CDON: variants seen among roughly 807,000 people sequenced by gnomAD.
CDON encodes cell adhesion molecule-related/down-regulated by oncogenes.
Under a neutral mutation model 120.9 loss-of-function variants are expected in CDON, and 73 were observed. The ratio of observed to expected loss-of-function variants is 0.60; its 90% confidence interval spans 0.50 to 0.73. The LOEUF is 0.73. CDON is among the 30% of genes least tolerant of loss of function. CDON has a pLI of 0.00. For missense variants in CDON, 1,470 were observed against 1,587.3 expected, an observed-to-expected ratio of 0.93 and a Z score of 1.26; for synonymous variants, 566 against 573.5, an observed-to-expected ratio of 0.99 and a Z score of 0.19.
Position 125,986,573 on chromosome 11 carries a change from G to A in CDON, c.2774-2480C>T, listed in dbSNP as rs186610585. Among the ~76,000 whole-genome samples the A allele has an allele frequency of 3.3e-5, 5 of 152,242 alleles. No individual in the cohort carries two copies. In the East Asian group the frequency reaches 9.7e-4, roughly 29 times the overall value. On this transcript the variant is annotated intron_variant, in intron 15 of 19. Coordinates refer to ENST00000531738, the MANE Select transcript of CDON (RefSeq NM_001378964.1). ...GAGGTCAGGAGATCGAGACCATCCT[G>A]GCTAACACGGTGAAACCCCATCTCT...
At chr11:126,003,165 C>G (rs1947005309) in intron 10 of CDON, among the ~76,000 whole-genome samples, 1 of 152,174 alleles carries the variant, frequency 6.6e-6, no homozygotes, top group South Asian at 2.1e-4. Context: ...GTAAGTCTCT[C>G]TCAACTAGAA....
intron 7 of CDON, chr11:126,011,007 C>A: frequency 2.3e-6 from 1 of 437,706 alleles, no homozygotes; most frequent in South Asian, 1.8e-5. Flanking sequence ...AAATATAGAA[C>A]ATATAAGGTT....
chr11:126,007,549 G>A (rs1349290999), intron 8 of CDON, among the ~76,000 whole-genome samples: 3 of 152,122 alleles, frequency 2.0e-5, no homozygotes, highest in Non-Finnish European at 4.4e-5. Flanking sequence ...TAGTGGAGAA[G>A]GACCTTTTTA....
rs200695470 is a variant in CDON, at chr11:126,001,763, T to C, written c.2114A>G (p.Asn705Ser). The stretch of plus-strand genomic sequence containing the variant: ...ATCTGTAAGTACCACTCCAAAATTG[T>C]TGTTTGCAGCCTCTGAAACAACGGG... The part of the protein sequence containing the change: ...KYPVVSEAAN[N>S]NFGVVLTDSS... Residue 705 changes from asparagine to serine, a missense_variant, in exon 11 of 20, where the codon AAC becomes AGC. Transcript: ENST00000531738. The C allele has an allele frequency of 1.9e-6, 3 of 1,613,760 alleles. No homozygotes were observed. The highest frequency in any genetic ancestry group is 2.2e-5 in the East Asian group (1 of 44,858).
At chr11:126,059,754 A>G (rs1373622760) in intron 1 of CDON, among the ~76,000 whole-genome samples, 3 of 152,168 alleles carry the variant, frequency 2.0e-5, no homozygotes, top group African/African-American at 7.2e-5. Flanking sequence ...GGCACCAGGC[A>G]GCTAGAATCA....
chr11:125,983,786 A>C (rs1946380972), intron 16 of CDON, 86 bp downstream of exon 16: 2 of 956,132 alleles, frequency 2.1e-6, no homozygotes, highest in Admixed American at 2.0e-5. Context: ...CTAATATACA[A>C]CAGTGTTAGA....
intron 8 of CDON, 119 bp downstream of exon 8, chr11:126,010,219 TGTC>T: frequency 2.7e-6 from 2 of 743,830 alleles, no homozygotes; most frequent in South Asian, 3.4e-5. Context: ...TACATTTCAC[TGTC>T]ATCAGGAAAA....
chr11:125,958,938 C>A lies in CDON; in HGVS notation c.*2004G>T, dbSNP rs141723372. ...ACAGGGTATGTTTTCATATTCTGTG[C>A]GCTGGGACTTTGTCCTTTGCTAGTC... On this transcript the variant is annotated 3_prime_UTR_variant, in exon 20 of 20. Coordinates refer to ENST00000531738, the MANE Select transcript of CDON (RefSeq NM_001378964.1). 6.6e-6 allele frequency: 1 copy of A among 152,274 alleles called. No homozygotes were observed. The highest frequency in any genetic ancestry group is 2.4e-5 in the African/African-American group (1 of 41,546). 9.4% of individuals were successfully genotyped at this position (152,274 alleles called of 1,614,324 possible).
chr11:125,971,403 T>TAAATA (rs1555114703), intron 18 of CDON, among the ~76,000 whole-genome samples: 1 of 142,614 alleles, frequency 7.0e-6, no homozygotes, highest in African/African-American at 2.9e-5. Context: ...AATAAATAAA[T>TAAATA]AAATAAATAA....
At chr11:126,045,034 T>C (rs78338104) in intron 1 of CDON, among the ~76,000 whole-genome samples, 19,558 of 151,842 alleles carry the variant, frequency 0.13, 1,468 homozygotes, top group Middle Eastern at 0.24. Flanking sequence ...AAAATATATA[T>C]ATAGAGAGAG....
intron 14 of CDON, among the ~76,000 whole-genome samples, chr11:125,993,397 A>ACGCGCG (rs1946687070): frequency 6.7e-4 from 1 of 1,484 alleles, no homozygotes; most frequent in Non-Finnish European, 1.2e-3. Context: ...GCGTGCGTGC[A>ACGCGCG]CACACACACA....
chr11:126,053,174 T>A (rs531325534), intron 1 of CDON, among the ~76,000 whole-genome samples: 1 of 152,166 alleles, frequency 6.6e-6, no homozygotes, highest in Non-Finnish European at 1.5e-5. Flanking sequence ...CATCCAAGAT[T>A]TAATGGAAGA....
chr11:126,043,604 G>T (rs1948325131), intron 1 of CDON, among the ~76,000 whole-genome samples: 1 of 152,120 alleles, frequency 6.6e-6, no homozygotes, highest in Admixed American at 6.5e-5. Flanking sequence ...AGAAAACAAA[G>T]AACACTCAGA....
Position 125,994,980 on chromosome 11 carries a change from G to T in CDON, c.2435C>A (p.Pro812His). The T allele has an allele frequency of 6.2e-7, 1 of 1,614,114 alleles. No individual in the cohort carries two copies. The highest frequency in any genetic ancestry group is 1.1e-5 in the South Asian group (1 of 91,074). The change falls in exon 13 of 20, where the codon CCT (proline) becomes CAT (histidine). Residue 812 changes from proline to histidine, a missense_variant. Pro to His is a moderately conservative substitution (Grantham distance 77, BLOSUM62 -2). Transcript: ENST00000531738. ...ATTGGGGAACCCAACCACTTGATAAGGACGAGATGCTGAACTCCGAAAACT... is the reference window on the plus strand; with the variant it reads ...ATTGGGGAACCCAACCACTTGATAATGACGAGATGCTGAACTCCGAAAACT... ...GESFRSSASRPYQVVGFPNRF... is the reference protein window; with the variant it reads ...GESFRSSASRHYQVVGFPNRF...
At chr11:126,005,631 C>G in intron 9 of CDON, 128 bp downstream of exon 9, 1 of 859,740 alleles carries the variant, frequency 1.2e-6, no homozygotes, top group South Asian at 1.4e-5. Flanking sequence ...ATCTCTCTGA[C>G]AAACTCATCA....
At chr11:125,975,870 C>T (rs1946137291) in intron 18 of CDON, among the ~76,000 whole-genome samples, 1 of 152,190 alleles carries the variant, frequency 6.6e-6, no homozygotes, top group Non-Finnish European at 1.5e-5. Flanking sequence ...AGAACCTAGT[C>T]CAGAGCCTGG....
At chr11:126,044,851 T>G (rs1325212511) in intron 1 of CDON, among the ~76,000 whole-genome samples, 1 of 152,074 alleles carries the variant, frequency 6.6e-6, no homozygotes, top group African/African-American at 2.4e-5. Flanking sequence ...GTGACTACAG[T>G]TACCAATAAT....
At chr11:126,011,050 A>C (rs190090335) in intron 7 of CDON, 1 of 366,172 alleles carries the variant, frequency 2.7e-6, no homozygotes, top group Admixed American at 3.7e-5. Context: ...AAAATGTGTA[A>C]ATAAGTATAA....
At chr11:126,050,065 C>G (rs1048625514) in intron 1 of CDON, among the ~76,000 whole-genome samples, 1 of 152,034 alleles carries the variant, frequency 6.6e-6, no homozygotes, top group Non-Finnish European at 1.5e-5. Context: ...AATGAAATGA[C>G]TTCTTTAGAA....
Sources: allele counts gnomAD v4.1 joint callset (sites outside exome capture counted in the v4.1 genomes callset), GRCh38; gene constraint gnomAD v4.1.1; transcripts MANE v1.5; gene names NCBI Gene and HGNC (gene_info 2026-07-23, HGNC 2026-07-21).